XKR9: variants seen among roughly 807,000 people sequenced by gnomAD.
XKR9 encodes XK-related protein 9.
XKR9 carries 32 observed loss-of-function variants against 32.0 expected under a neutral mutation model. The ratio of observed to expected loss-of-function variants is 1.00; its 90% CI spans 0.76 to 1.34. XKR9 has a LOEUF of 1.34. XKR9 is among the 40% of genes most tolerant of loss of function. XKR9 has a pLI of 0.00. For missense variants in XKR9, 546 were observed against 429.7 expected (o/e 1.27, Z -2.39); for synonymous variants, 168 against 143.4 (o/e 1.17, Z -1.22).
At chr8:70,916,137 T>C in the XKR9 span, among the ~76,000 whole-genome samples, 20 of 152,286 alleles carry the variant, frequency 1.3e-4, no homozygotes, top group African/African-American at 4.8e-4. Flanking sequence ...ATGAAAATCA[T>C]TTACTGTTCC....
At chr8:70,880,138 C>T in the XKR9 span, among the ~76,000 whole-genome samples, 1 of 152,070 alleles carries the variant, frequency 6.6e-6, no homozygotes, top group African/African-American at 2.4e-5. Flanking sequence ...ATAATAAGAG[C>T]TGTTTATGAC....
chr8:70,687,912 G>A (rs1819363246), intron 3 of XKR9, among the ~76,000 whole-genome samples: 1 of 152,118 alleles, frequency 6.6e-6, no homozygotes. Context: ...TGAAACATAT[G>A]TGTTTCTGCA....
At chr8:70,699,095 G>A (rs528423080) in intron 3 of XKR9, among the ~76,000 whole-genome samples, 2 of 152,192 alleles carry the variant, frequency 1.3e-5, no homozygotes, top group African/African-American at 2.4e-5. Context: ...CGTGAGATGG[G>A]TTTCCTGAAT....
At chr8:70,756,464 A>C (rs1194796030) in intron 2 of XKR9, among the ~76,000 whole-genome samples, 1 of 152,220 alleles carries the variant, frequency 6.6e-6, no homozygotes, top group African/African-American at 2.4e-5. Context: ...GAATATTGCT[A>C]TTTAAGCAGT....
chr8:70,694,041 A>G (rs1261497195), intron 3 of XKR9, among the ~76,000 whole-genome samples: 4 of 152,010 alleles, frequency 2.6e-5, no homozygotes, highest in Admixed American at 2.6e-4. Context: ...TACCCATGTA[A>G]CAGTCTGGGC....
chr8:70,886,747 G>A, the XKR9 span, among the ~76,000 whole-genome samples: 1 of 146,320 alleles, frequency 6.8e-6, no homozygotes, highest in African/African-American at 2.5e-5. Context: ...TTTTTTTCTT[G>A]TAAATTTGTT....
the XKR9 span, among the ~76,000 whole-genome samples, chr8:70,851,350 A>T: frequency 6.6e-6 from 1 of 152,250 alleles, no homozygotes; most frequent in Admixed American, 6.5e-5. Context: ...GAAAATGGCC[A>T]TACTGCCCAA....
At chr8:70,847,723 G>T in the XKR9 span, among the ~76,000 whole-genome samples, 1 of 151,876 alleles carries the variant, frequency 6.6e-6, no homozygotes, top group Non-Finnish European at 1.5e-5. Context: ...AAACCTAGAG[G>T]AAATGGATAA....
chr8:70,805,164 C>G, the XKR9 span, among the ~76,000 whole-genome samples: 7 of 152,172 alleles, frequency 4.6e-5, no homozygotes, highest in Non-Finnish European at 7.4e-5. Flanking sequence ...AGCGGCCCAC[C>G]TAAGAGCCAC....
the XKR9 span, among the ~76,000 whole-genome samples, chr8:71,062,838 A>G: frequency 6.6e-6 from 1 of 152,094 alleles, no homozygotes; most frequent in African/African-American, 2.4e-5. Flanking sequence ...TTCTTTGTTA[A>G]TAGGAAAATA....
chr8:71,022,197 C>T, the XKR9 span, among the ~76,000 whole-genome samples: 2 of 152,124 alleles, frequency 1.3e-5, no homozygotes, highest in African/African-American at 2.4e-5. Context: ...GTCTATGTGT[C>T]TGTTTTTGAA....
chr8:70,730,134 C>G (rs1806614051), intron 4 of XKR9, among the ~76,000 whole-genome samples: 1 of 152,070 alleles, frequency 6.6e-6, no homozygotes, highest in Admixed American at 6.6e-5. Context: ...AGCATGAGGC[C>G]AACTGATACC....
downstream of XKR9, among the ~76,000 whole-genome samples, chr8:70,790,884 G>C (rs1269143121): frequency 6.6e-6 from 1 of 151,990 alleles, no homozygotes; most frequent in Non-Finnish European, 1.5e-5. Context: ...TATCTGATGA[G>C]GTCCTGCTTC....
the XKR9 span, among the ~76,000 whole-genome samples, chr8:70,938,245 T>G: frequency 3.3e-5 from 5 of 151,952 alleles, 1 homozygote; most frequent in Admixed American, 3.3e-4. Context: ...AGAGTGAGTG[T>G]GTGTCCATGT....
the XKR9 span, among the ~76,000 whole-genome samples, chr8:70,816,714 G>A: frequency 1.4e-5 from 2 of 145,144 alleles, no homozygotes; most frequent in Admixed American, 7.0e-5. Context: ...GAAGAGATTG[G>A]GCTAGATGCA....
intron 2 of XKR9, among the ~76,000 whole-genome samples, chr8:70,742,383 G>T (rs1025953200): frequency 1.3e-5 from 2 of 152,194 alleles, no homozygotes; most frequent in African/African-American, 2.4e-5. Context: ...TTGTATGTTT[G>T]TGGGGTGAAG....
At chr8:70,695,190 A>G (rs1366336533) in intron 3 of XKR9, among the ~76,000 whole-genome samples, 1 of 111,864 alleles carries the variant, frequency 8.9e-6, no homozygotes, top group Non-Finnish European at 1.9e-5. Context: ...TTTTATTATT[A>G]TTATACTTTA....
rs141929241 is a variant in XKR9, at chr8:70,733,247, G to T, written c.494-549G>T. On this transcript the variant is annotated intron_variant, in intron 4 of 4. Transcript: ENST00000408926. ...TCATTCACTTGTTTCAATATCTTCA[G>T]GATATGGGAAGTTGGGCTTGTTTAA... Among the ~76,000 whole-genome samples, 226 of 152,238 alleles carry T rather than the reference G, an allele frequency of 1.5e-3. 1 individual carries two copies. The highest frequency in any genetic ancestry group is 5.1e-3 in the African/African-American group (211 of 41,516).
chr8:70,945,552 G>A, the XKR9 span, among the ~76,000 whole-genome samples: 1 of 151,368 alleles, frequency 6.6e-6, no homozygotes, highest in African/African-American at 2.4e-5. Flanking sequence ...AGAAAATTGT[G>A]TTAGTAAATT....
Sources: gnomAD v4.1 joint callset for allele counts (sites outside exome capture counted in the v4.1 genomes callset) on GRCh38, gnomAD v4.1.1 for gene constraint, MANE v1.5 for transcripts, NCBI Gene and HGNC (gene_info 2026-07-23, HGNC 2026-07-21) for gene names.